CELSR1: variants seen among roughly 807,000 people sequenced by gnomAD.
CELSR1 encodes cadherin EGF LAG seven-pass G-type receptor 1.
CELSR1 carries 110 observed loss-of-function variants against 249.1 expected under a neutral mutation model. That is an observed-to-expected ratio of 0.44 (90% CI 0.38 to 0.52). The LOEUF is 0.52. Ranked by LOEUF, CELSR1 falls within the 20% of genes least tolerant of loss-of-function variation. The pLI is 0.00. For synonymous variants in CELSR1, 2,113 were observed against 1,900.0 expected (o/e 1.11, Z -2.92); for missense variants, 4,109 against 4,296.4 (o/e 0.96, Z 1.22).
intron 1 of CELSR1, among the ~76,000 whole-genome samples, chr22:46,491,172 G>A (rs914775771): frequency 3.1e-5 from 4 of 130,346 alleles, no homozygotes; most frequent in African/African-American, 9.9e-5. Flanking sequence ...TGTGACAACC[G>A]AAACATCTCC....
Position 46,399,780 on chromosome 22 carries a change from A to G in CELSR1, c.5349T>C (p.Asn1783=). The G allele has an allele frequency of 6.2e-7, 1 of 1,613,986 alleles. No individual in the cohort carries two copies. The highest frequency in any genetic ancestry group is 1.1e-5 in the South Asian group (1 of 91,070). Reference sequence around the variant, plus strand: ...GCTTCATCTCACTGTCCTCCTTAACATTCTTCAGCTCGATCAGCAGGTGGT... The same window carrying G: ...GCTTCATCTCACTGTCCTCCTTAACGTTCTTCAGCTCGATCAGCAGGTGGT... ...EWHHLLIELK[N]VKEDSEMKHL... The change falls in exon 10 of 35, where the codon AAT becomes AAC. Residue 1783 remains asparagine (N), a synonymous_variant. Coordinates refer to ENST00000674500, the MANE Select transcript of CELSR1 (RefSeq NM_001378328.1). This position sits in a 1 kb window ranked among gnomAD's most constrained non-coding sequence, Gnocchi z 5.0.
In CELSR1 at chr22:46,440,392, G is replaced by C. The variant is rs1279525447; in HGVS notation, c.4184-981C>G. Among the ~76,000 whole-genome samples the C allele has an allele frequency of 6.6e-6, 1 of 152,132 alleles. No individual in the cohort carries two copies. The highest frequency in any genetic ancestry group is 1.9e-4 in the East Asian group (1 of 5,190). On this transcript the variant is annotated intron_variant, in intron 2 of 34. Transcript: ENST00000674500. This position sits in a 1 kb window ranked among gnomAD's most constrained non-coding sequence, Gnocchi z 4.7. Reference sequence around the variant, plus strand: ...TTTTTTGTATTTTTAGTAGAGACGGGGATTCACCGTGTTAGCCAGGATGGT... The same window carrying C: ...TTTTTTGTATTTTTAGTAGAGACGGCGATTCACCGTGTTAGCCAGGATGGT...
chr22:46,370,014 C>G, intron 25 of CELSR1: 1 of 648,568 alleles, frequency 1.5e-6, no homozygotes, highest in Non-Finnish European at 2.8e-6. Flanking sequence ...GTGGCAGGAG[C>G]TGCTCCTGGA....
chr22:46,474,605 G>T (rs1328260836), intron 1 of CELSR1, among the ~76,000 whole-genome samples: 1 of 151,846 alleles, frequency 6.6e-6, no homozygotes, highest in African/African-American at 2.4e-5. Context: ...CTTTCCTCTA[G>T]CTATTTTGAA....
At position 46,429,149 on chromosome 22, in the gene CELSR1, C is replaced by T. The variant is rs184697155; in HGVS notation, c.4611+4244G>A. On this transcript the variant is annotated intron_variant, in intron 5 of 34. Coordinates refer to ENST00000674500, the MANE Select transcript of CELSR1 (RefSeq NM_001378328.1). This position sits in a 1 kb window ranked among gnomAD's most constrained non-coding sequence, Gnocchi z 4.1. ...ATCCTTCCAGACGGCCCCTCCCTAG[C>T]ACTGTCTCCGTGGGGAATAAGCTTC... 1.3e-3 allele frequency among the ~76,000 whole-genome samples: 202 copies of T among 152,308 alleles called. 1 individual carries two copies. The highest frequency in any genetic ancestry group is 4.5e-3 in the African/African-American group (188 of 41,564).
rs986548685 is a variant in CELSR1, at chr22:46,441,694, C to T, written c.4184-2283G>A. On this transcript the variant is annotated intron_variant, in intron 2 of 34. Coordinates refer to ENST00000674500, the MANE Select transcript of CELSR1 (RefSeq NM_001378328.1). The surrounding 1 kb of genome is among the most constrained non-coding windows in gnomAD (Gnocchi z 6.1). The stretch of plus-strand genomic sequence containing the variant: ...CTCTAATTGCAGCCTGGGGGCCCCA[C>T]CCCATGACCTCATCTAAACCTAATC... 6.6e-6 allele frequency among the ~76,000 whole-genome samples: 1 copy of T among 152,090 alleles called. No individual in the cohort carries two copies. The highest frequency in any genetic ancestry group is 1.5e-5 in the Non-Finnish European group (1 of 68,010).
At position 46,378,543 on chromosome 22, in the gene CELSR1, G is replaced by A. The variant is rs1211396030; in HGVS notation, c.7383+48C>T. ...GTGCAGGTTTGGGGGGGAGGGGCAG[G>A]TTTGGCGGTAGGCCCAGAGGGCACA... On this transcript the variant is annotated intron_variant, in intron 23 of 34. Coordinates refer to ENST00000674500, the MANE Select transcript of CELSR1 (RefSeq NM_001378328.1). 3.3e-6 allele frequency: 5 copies of A among 1,527,634 alleles called. No homozygotes were observed. In the Admixed American group the frequency reaches 5.9e-5, roughly 18 times the overall value. 94.6% of individuals were successfully genotyped at this position (1,527,634 alleles called of 1,614,324 possible).
At position 46,512,532 on chromosome 22, in the gene CELSR1, A is replaced by G. The variant is rs1000347775; in HGVS notation, c.3544+21095T>C. ...GGTTTCAGTGAGCCGAGATCACACC[A>G]CTGCACTCCAGCCTGGGTGAAAGAG... On this transcript the variant is annotated intron_variant, in intron 1 of 34. Transcript: ENST00000674500. This position sits in a 1 kb window ranked among gnomAD's most constrained non-coding sequence, Gnocchi z 5.2. 6.6e-6 allele frequency among the ~76,000 whole-genome samples: 1 copy of G among 152,154 alleles called. No individual in the cohort carries two copies. The highest frequency in any genetic ancestry group is 6.5e-5 in the Admixed American group (1 of 15,274).
Position 46,412,314 on chromosome 22 carries a change from T to C in CELSR1, c.4612-555A>G, listed in dbSNP as rs979322229. Among the ~76,000 whole-genome samples the C allele has an allele frequency of 9.2e-5, 14 of 152,160 alleles. No individual in the cohort carries two copies. Among genetic ancestry groups the C allele is most frequent in the Non-Finnish European group, 1.9e-4 (13 of 68,016 alleles). On this transcript the variant is annotated intron_variant, in intron 5 of 34. Transcript: ENST00000674500. The surrounding 1 kb of genome is among the most constrained non-coding windows in gnomAD (Gnocchi z 4.5). ...GAGCCACCCTGTCCGTGGTACTTTGTGATGGTGGCCCCAGGAAATGAAGTT... is the reference window on the plus strand; with the variant it reads ...GAGCCACCCTGTCCGTGGTACTTTGCGATGGTGGCCCCAGGAAATGAAGTT...
At chr22:46,388,101 C>T (rs2079050792) in intron 18 of CELSR1, among the ~76,000 whole-genome samples, 1 of 152,216 alleles carries the variant, frequency 6.6e-6, no homozygotes, top group South Asian at 2.1e-4. Flanking sequence ...GTAATCCCAA[C>T]ACTTTGGGTG....
chr22:46,447,632 A>G lies in CELSR1; in HGVS notation c.4184-8221T>C, dbSNP rs117187970. 0.021 allele frequency among the ~76,000 whole-genome samples: 3,166 copies of G among 152,244 alleles called. 50 individuals are homozygous for G. The highest frequency in any genetic ancestry group is 0.034 in the Non-Finnish European group (2,289 of 68,002). The stretch of plus-strand genomic sequence containing the variant: ...GCTCAGCTTCCTGGCTATAGTACAG[A>G]AAAGCTTTTTAAGAGAGTCTTACTC... On this transcript the variant is annotated intron_variant, in intron 2 of 34. Coordinates refer to ENST00000674500, the MANE Select transcript of CELSR1 (RefSeq NM_001378328.1). This position sits in a 1 kb window ranked among gnomAD's most constrained non-coding sequence, Gnocchi z 4.7.
intron 5 of CELSR1, among the ~76,000 whole-genome samples, chr22:46,421,724 G>A (rs1306289476): frequency 6.6e-6 from 1 of 152,260 alleles, no homozygotes; most frequent in Non-Finnish European, 1.5e-5. Flanking sequence ...TCCTGAGTCC[G>A]AGATGCAGGG....
At chr22:46,508,783 G>A (rs1054371846) in intron 1 of CELSR1, among the ~76,000 whole-genome samples, 9 of 152,190 alleles carry the variant, frequency 5.9e-5, no homozygotes, top group South Asian at 2.1e-4. Context: ...TGGGAATGCC[G>A]AGACACGCCT....
rs183353120 is a variant in CELSR1, at chr22:46,393,563, T to C, written c.5964+579A>G. Among the ~76,000 whole-genome samples the C allele has an allele frequency of 4.9e-3, 741 of 151,522 alleles. 5 individuals carry two copies. The highest frequency in any genetic ancestry group is 8.7e-3 in the Non-Finnish European group (593 of 67,834). ...GACCAGCCTGGCCAACATGGTGAAA[T>C]CCTGTCTCTACTAAAAATACAAAAA... On this transcript the variant is annotated intron_variant, in intron 14 of 34. Coordinates refer to ENST00000674500, the MANE Select transcript of CELSR1 (RefSeq NM_001378328.1). The surrounding 1 kb of genome is among the most constrained non-coding windows in gnomAD (Gnocchi z 4.1).
At chr22:46,504,500 T>G (rs1425870540) in intron 1 of CELSR1, among the ~76,000 whole-genome samples, 1 of 75,294 alleles carries the variant, frequency 1.3e-5, no homozygotes, top group African/African-American at 5.1e-5. Context: ...GCGACATCTG[T>G]CTCCAAAAAA....
rs1055220261 is a variant in CELSR1 at position 46,500,599 on chromosome 22, G to A, written c.3544+33028C>T. ...ACTTGTCACAGAAGAACAGAGGCCC[G>A]AGCTAGCCCACACCTGTGTTTTTTG... is the stretch of plus-strand genomic sequence containing the variant. On this transcript the variant is annotated intron_variant, in intron 1 of 34. Coordinates refer to ENST00000674500, the MANE Select transcript of CELSR1 (RefSeq NM_001378328.1). This position sits in a 1 kb window ranked among gnomAD's most constrained non-coding sequence, Gnocchi z 4.9. 2.0e-5 allele frequency among the ~76,000 whole-genome samples: 3 copies of A among 152,208 alleles called. No homozygotes were observed. Among genetic ancestry groups the A allele is most frequent in the African/African-American group, 4.8e-5 (2 of 41,462 alleles).
At position 46,364,111 on chromosome 22, in the gene CELSR1, G is replaced by C; in HGVS notation, c.8920C>G (p.Pro2974Ala). ...SRTSSLGSGG[P>A]DCAITVKSPG... is the part of the protein sequence containing the mutation. Reference sequence around the variant, plus strand: ...CTCTTGACTGTGATGGCGCAGTCGGGGCCGCCAGAGCCCAGGGAAGACGTG... The same window carrying C: ...CTCTTGACTGTGATGGCGCAGTCGGCGCCGCCAGAGCCCAGGGAAGACGTG... Residue 2974 changes from proline (P) to alanine (A), a missense_variant, in exon 34 of 35, where the codon CCC becomes GCC. Pro to Ala is a conservative substitution (Grantham distance 27). Around this residue, in one of 7 missense-constraint regions of CELSR1, gnomAD observed 1,805 missense variants for 1,831.6 expected, o/e 0.99. Transcript: ENST00000674500. The C allele has an allele frequency of 6.2e-7, 1 of 1,612,260 alleles. No homozygotes were observed. The highest frequency in any genetic ancestry group is 8.5e-7 in the Non-Finnish European group (1 of 1,179,596).
At position 46,409,217 on chromosome 22, in the gene CELSR1, A is replaced by G; in HGVS notation, c.5060-55T>C. On this transcript the variant is annotated intron_variant, in intron 8 of 34. Transcript: ENST00000674500. The surrounding 1 kb of genome is among the most constrained non-coding windows in gnomAD (Gnocchi z 9.8). ...GTCTCCCGAAATCACACGGCCGCGGACTTGGCTGCAGGGGCGGGGGATGGG... is the reference window on the plus strand; with the variant it reads ...GTCTCCCGAAATCACACGGCCGCGGGCTTGGCTGCAGGGGCGGGGGATGGG... The G allele has an allele frequency of 6.3e-7, 1 of 1,587,356 alleles. No homozygotes were observed. Among genetic ancestry groups the G allele is most frequent in the South Asian group, 1.1e-5 (1 of 87,956 alleles).
intron 1 of CELSR1, among the ~76,000 whole-genome samples, chr22:46,505,261 C>CAAAA (rs3081585): frequency 0.012 from 775 of 62,374 alleles, 105 homozygotes; most frequent in African/African-American, 0.034. Flanking sequence ...GACTCTGTCT[C>CAAAA]AAAAAAAAAA....
Sources: allele counts gnomAD v4.1 joint callset (sites outside exome capture counted in the v4.1 genomes callset), GRCh38; gene constraint gnomAD v4.1.1; regional missense constraint gnomAD v4.1.1; non-coding constraint Gnocchi (gnomAD v3.1); transcripts MANE v1.5; gene names NCBI Gene and HGNC (gene_info 2026-07-23, HGNC 2026-07-21).